TIPRL: variants seen among roughly 807,000 people sequenced by gnomAD.
The protein encoded by TIPRL is TIP41-like protein.
In TIPRL, 10 loss-of-function variants were observed where a neutral mutation model predicts 32.3. That is an observed-to-expected ratio of 0.31 (90% CI 0.19 to 0.52). The LOEUF (loss-of-function observed/expected upper bound fraction) is 0.52, where lower values mean the gene tolerates loss of function less well. Among genes scored for constraint, TIPRL ranks in the 20% least tolerant of loss-of-function variants. The probability of loss-of-function intolerance (pLI) is 0.96; values close to 1 mark genes in which losing one functional copy is unlikely to be tolerated. For missense variants in TIPRL, 250 were observed against 328.1 expected (o/e 0.76, Z 1.84); for synonymous variants, 100 against 114.0 (o/e 0.88, Z 0.78).
At chr1:168,179,274 C>A (rs529395056) in intron 1 of TIPRL, 93 bp downstream of exon 1, 3 of 1,142,044 alleles carry the variant, frequency 2.6e-6, no homozygotes, top group African/African-American at 3.1e-5. Flanking sequence ...CCCCTTTTCC[C>A]TGAGGCGGAG....
intron 3 of TIPRL, among the ~76,000 whole-genome samples, chr1:168,186,830 C>T (rs1263187726): frequency 6.6e-6 from 1 of 152,136 alleles, no homozygotes; most frequent in Non-Finnish European, 1.5e-5. Flanking sequence ...GAGACTCCAT[C>T]TCAAAACAAG....
chr1:168,198,526 C>T (rs1447400884), intron 5 of TIPRL, among the ~76,000 whole-genome samples: 3 of 152,040 alleles, frequency 2.0e-5, no homozygotes, highest in Non-Finnish European at 4.4e-5. Context: ...AGCACAATTA[C>T]GTAGGTAAAT....
intron 4 of TIPRL, among the ~76,000 whole-genome samples, chr1:168,191,938 A>T (rs1417484870): frequency 6.6e-6 from 1 of 151,486 alleles, no homozygotes; most frequent in African/African-American, 2.4e-5. Context: ...TCTAGAGTGT[A>T]TCTTATTGAA....
intron 4 of TIPRL, among the ~76,000 whole-genome samples, chr1:168,191,858 C>CCAAAAAA (rs1558164787): frequency 2.6e-5 from 1 of 38,902 alleles, no homozygotes; most frequent in Non-Finnish European, 5.6e-5. Context: ...GGCGACAGAG[C>CCAAAAAA]AAAAAAAAAA....
intron 3 of TIPRL, among the ~76,000 whole-genome samples, chr1:168,189,164 G>C (rs1380136046): frequency 1.3e-5 from 2 of 152,174 alleles, no homozygotes; most frequent in Non-Finnish European, 2.9e-5. Context: ...CAGGGCAAAA[G>C]CCAGCCAAGT....
chr1:168,198,642 A>G (rs1348295733), intron 5 of TIPRL, among the ~76,000 whole-genome samples: 1 of 152,208 alleles, frequency 6.6e-6, no homozygotes, highest in Non-Finnish European at 1.5e-5. Context: ...ATTTATATAC[A>G]TATTCTTTCA....
Position 168,200,053 on chromosome 1 carries a change from A to G in TIPRL, c.*7A>G. Reference sequence around the variant, plus strand: ...AAGTACACAAGTGGAATAAAATGTGATACAACATATACTCACTATGGAATC... The same window carrying G: ...AAGTACACAAGTGGAATAAAATGTGGTACAACATATACTCACTATGGAATC... On this transcript the variant is annotated 3_prime_UTR_variant, in exon 7 of 7. Transcript: ENST00000367833. 6.2e-7 allele frequency: 1 copy of G among 1,612,112 alleles called. No homozygotes were observed. The highest frequency in any genetic ancestry group is 8.5e-7 in the Non-Finnish European group (1 of 1,179,332).
rs374701086 is a variant in TIPRL, at chr1:168,202,064, CAA to C, written c.*2019_*2020del. 2.2e-3 allele frequency: 330 copies of C among 151,966 alleles called. No individual in the cohort carries two copies. The highest frequency in any genetic ancestry group is 7.6e-3 in the African/African-American group (315 of 41,456). The allele number at this position is 151,966 out of a possible 1,614,324, so 9.4% of individuals were successfully genotyped here. A position where few individuals can be genotyped will look rare whatever the true frequency, so the allele number is the denominator to read the frequency against. ...TATGCCATTTTGTATTTATTTGTCC[CAA>C]GTGTCTTTTTGTAAGAGGAGAATAA... On this transcript the variant is annotated 3_prime_UTR_variant, in exon 7 of 7. Coordinates refer to ENST00000367833, the MANE Select transcript of TIPRL (RefSeq NM_152902.5).
rs1168426260 is a variant in TIPRL at position 168,201,807 on chromosome 1, A to T, written c.*1761A>T. ...TGTGTGTGTGTGTGTGTGTGTGTGT[A>T]TACAGACATTTTTTTTTTAACTTGT... On this transcript the variant is annotated 3_prime_UTR_variant, in exon 7 of 7. Transcript: ENST00000367833. The T allele has an allele frequency of 7.6e-6, 1 of 131,448 alleles. No homozygotes were observed. Among genetic ancestry groups the T allele is most frequent in the South Asian group, 2.5e-4 (1 of 4,016 alleles). 8.1% of individuals were successfully genotyped at this position (131,448 alleles called of 1,614,324 possible). A position where few individuals can be genotyped will look rare whatever the true frequency, so the allele number is the denominator to read the frequency against.
intron 3 of TIPRL, among the ~76,000 whole-genome samples, chr1:168,189,507 A>T (rs1346761764): frequency 6.6e-6 from 1 of 152,004 alleles, no homozygotes; most frequent in Non-Finnish European, 1.5e-5. Flanking sequence ...CACCACGATC[A>T]GCTAGTTTTT....
At chr1:168,192,237 A>G (rs530915342) in intron 4 of TIPRL, 15 of 1,448,280 alleles carry the variant, frequency 1.0e-5, no homozygotes, top group Non-Finnish European at 1.4e-5. Context: ...AGTCCCAGCT[A>G]CTCGGGAGGC....
intron 1 of TIPRL, among the ~76,000 whole-genome samples, chr1:168,181,327 C>T (rs1572428289): frequency 6.6e-6 from 1 of 151,710 alleles, no homozygotes; most frequent in East Asian, 2.0e-4. Flanking sequence ...ATTCTCCTGC[C>T]CAGCCTCCCA....
intron 5 of TIPRL, among the ~76,000 whole-genome samples, chr1:168,198,197 A>T (rs1420847569): frequency 6.6e-6 from 1 of 152,162 alleles, no homozygotes; most frequent in Non-Finnish European, 1.5e-5. Flanking sequence ...AGTATTAAAG[A>T]TAGTGTTACC....
chr1:168,193,479 C>G (rs1700122215), intron 4 of TIPRL, among the ~76,000 whole-genome samples: 1 of 152,106 alleles, frequency 6.6e-6, no homozygotes, highest in South Asian at 2.1e-4. Context: ...TTTATTCTCT[C>G]TTCAGTTCAC....
intron 5 of TIPRL, among the ~76,000 whole-genome samples, 166 bp downstream of exon 5, chr1:168,196,808 A>G (rs1700159582): frequency 6.6e-6 from 1 of 152,224 alleles, no homozygotes. Flanking sequence ...GCTATCATCA[A>G]AACATTACAT....
At chr1:168,191,718 A>G (rs1700098691) in intron 4 of TIPRL, among the ~76,000 whole-genome samples, 1 of 152,086 alleles carries the variant, frequency 6.6e-6, no homozygotes, top group South Asian at 2.1e-4. Flanking sequence ...TAAAAACACA[A>G]AAAGTTAGCT....
chr1:168,179,733 G>T (rs11801584), intron 1 of TIPRL, among the ~76,000 whole-genome samples: 57,140 of 152,000 alleles, frequency 0.38, 11,794 homozygotes, highest in Admixed American at 0.52. Flanking sequence ...AAATTGGGAT[G>T]CCTGAACTGA....
At chr1:168,190,648 T>G (rs1700085808) in intron 3 of TIPRL, among the ~76,000 whole-genome samples, 1 of 152,120 alleles carries the variant, frequency 6.6e-6, no homozygotes. Flanking sequence ...TGTAGTGAAA[T>G]TAGGTGTGGT....
At chr1:168,185,007 A>ACATTAGGTTCTGAGGAAT in intron 3 of TIPRL, 129 bp downstream of exon 3, 1 of 587,994 alleles carries the variant, frequency 1.7e-6, no homozygotes, top group Non-Finnish European at 2.9e-6. Flanking sequence ...GGCATTCCTC[A>ACATTAGGTTCTGAGGAAT]GAACCTAATG....
Sources: gnomAD v4.1 joint callset for allele counts (sites outside exome capture counted in the v4.1 genomes callset) on GRCh38, gnomAD v4.1.1 for gene constraint, MANE v1.5 for transcripts, NCBI Gene and HGNC (gene_info 2026-07-23, HGNC 2026-07-21) for gene names.